The following KCNH8 variants were observed in gnomAD, a reference collection of about 807,000 sequenced individuals.
KCNH8 encodes voltage-gated delayed rectifier potassium channel KCNH8.
In KCNH8, 70 loss-of-function variants were observed where a neutral mutation model predicts 103.6. The observed-to-expected ratio is 0.68, with a 90% CI of 0.56 to 0.82. The LOEUF is 0.82. Among genes scored for constraint, KCNH8 ranks in the 40% least tolerant of loss-of-function variants. KCNH8 has a pLI of 0.00. For synonymous variants in KCNH8, 498 were observed against 489.4 expected (o/e 1.02, Z -0.23); for missense variants, 1,217 against 1,329.9 (o/e 0.92, Z 1.32).
chr3:19,474,168 T>C (rs940194415), intron 11 of KCNH8, among the ~76,000 whole-genome samples: 6 of 152,176 alleles, frequency 3.9e-5, no homozygotes, highest in Non-Finnish European at 5.9e-5. Context: ...TAAAACTGTC[T>C]ACATGAGCTA....
intron 11 of KCNH8, among the ~76,000 whole-genome samples, chr3:19,464,113 A>C (rs561237959): frequency 6.6e-6 from 1 of 152,226 alleles, no homozygotes; most frequent in East Asian, 1.9e-4. Flanking sequence ...GAAGAACAAA[A>C]TTTGAGGATT....
intron 11 of KCNH8, among the ~76,000 whole-genome samples, chr3:19,482,182 A>C (rs111316053): frequency 3.7e-4 from 57 of 152,322 alleles, no homozygotes; most frequent in African/African-American, 1.3e-3. Context: ...AGGGATTTCC[A>C]CAGTGCTTTT....
At chr3:19,436,690 G>C (rs6769840) in intron 7 of KCNH8, among the ~76,000 whole-genome samples, 3,091 of 152,278 alleles carry the variant, frequency 0.02, 92 homozygotes, top group African/African-American at 0.057. Context: ...TTGTTTGTCT[G>C]TGTGTTGCTC....
At chr3:19,429,323 G>A (rs558186271) in intron 7 of KCNH8, among the ~76,000 whole-genome samples, 42 of 152,054 alleles carry the variant, frequency 2.8e-4, no homozygotes, top group African/African-American at 9.6e-4. Context: ...ACAGGTGCCC[G>A]CCACTACATC....
chr3:19,512,692 C>A (rs530192246), intron 12 of KCNH8, among the ~76,000 whole-genome samples: 1 of 152,150 alleles, frequency 6.6e-6, no homozygotes, highest in African/African-American at 2.4e-5. Flanking sequence ...GCACCTTTCA[C>A]GTGGCTCCCC....
chr3:19,407,035 C>G (rs2066702463), intron 7 of KCNH8, among the ~76,000 whole-genome samples: 1 of 152,070 alleles, frequency 6.6e-6, no homozygotes, highest in Non-Finnish European at 1.5e-5. Context: ...TCCAAACATC[C>G]ATGAAATAAA....
At chr3:19,389,428 T>C (rs535103223) in intron 5 of KCNH8, among the ~76,000 whole-genome samples, 5 of 152,188 alleles carry the variant, frequency 3.3e-5, no homozygotes, top group African/African-American at 9.6e-5. Context: ...CAGGGAAAGA[T>C]TGAAAACAAT....
intron 1 of KCNH8, among the ~76,000 whole-genome samples, chr3:19,203,640 CAT>C (rs1367493918): frequency 6.6e-6 from 1 of 151,830 alleles, no homozygotes; most frequent in East Asian, 1.9e-4. Flanking sequence ...ATTGAAATAA[CAT>C]ATTTTCAAAA....
Position 19,534,015 on chromosome 3 carries a change from T to C in KCNH8, c.3240T>C (p.Ala1080=), listed in dbSNP as rs778606637. The change falls in exon 16 of 16, where the codon GCT becomes GCC. Residue 1080 remains alanine, a synonymous_variant. Coordinates refer to ENST00000328405, the MANE Select transcript of KCNH8 (RefSeq NM_144633.3). ...GGAACCAGGAAGGAATGGCATCAGCTTCTACAAAACCTTTGGAGAACCTTC... is the reference window on the plus strand; with the variant it reads ...GGAACCAGGAAGGAATGGCATCAGCCTCTACAAAACCTTTGGAGAACCTTC... The part of the protein sequence containing the change: ...GSWNQEGMAS[A]STKPLENLPL... 8.7e-6 allele frequency: 14 copies of C among 1,614,168 alleles called. No individual in the cohort carries two copies. In the South Asian group the frequency reaches 1.4e-4, roughly 16 times the overall value.
At chr3:19,510,528 A>T in intron 12 of KCNH8, 127 bp downstream of exon 12, 1 of 678,236 alleles carries the variant, frequency 1.5e-6, no homozygotes. Flanking sequence ...CTTCCCAATA[A>T]GAGATGTGGC....
chr3:19,534,552 A>C lies in KCNH8; in HGVS notation c.*453A>C, dbSNP rs905065534. 4 of 159,722 alleles carry C rather than the reference A, an allele frequency of 2.5e-5. No homozygotes were observed. Among genetic ancestry groups the C allele is most frequent in the African/African-American group, 7.2e-5 (3 of 41,550 alleles). The allele number at this position is 159,722 out of a possible 1,614,324, so 9.9% of individuals were successfully genotyped here. A position where few individuals can be genotyped will look rare whatever the true frequency, so the allele number is the denominator to read the frequency against. On this transcript the variant is annotated 3_prime_UTR_variant, in exon 16 of 16. Coordinates refer to ENST00000328405, the MANE Select transcript of KCNH8 (RefSeq NM_144633.3). ...ATGTATTTTTCTTTTTGTGAAGGCA[A>C]AGGGACAATTATCACTGCATGTCAT...
chr3:19,406,240 A>G (rs747259104), intron 7 of KCNH8, among the ~76,000 whole-genome samples: 1 of 152,094 alleles, frequency 6.6e-6, no homozygotes, highest in Non-Finnish European at 1.5e-5. Flanking sequence ...TGTATTCTGT[A>G]TAGTAATATG....
At chr3:19,424,124 T>A (rs1403558766) in intron 7 of KCNH8, among the ~76,000 whole-genome samples, 1 of 152,090 alleles carries the variant, frequency 6.6e-6, no homozygotes, top group Non-Finnish European at 1.5e-5. Flanking sequence ...AAAATTCATA[T>A]GGAACCAAAA....
chr3:19,174,357 C>T (rs1213247748), intron 1 of KCNH8, among the ~76,000 whole-genome samples: 1 of 152,014 alleles, frequency 6.6e-6, no homozygotes, highest in East Asian at 1.9e-4. Context: ...ATGGCAGTTT[C>T]CTCAAAAATA....
At chr3:19,254,488 A>T (rs2064322486) in intron 2 of KCNH8, among the ~76,000 whole-genome samples, 1 of 152,156 alleles carries the variant, frequency 6.6e-6, no homozygotes, top group Non-Finnish European at 1.5e-5. Context: ...CTCTGGGGAA[A>T]TACTAGGTCT....
chr3:19,456,067 A>G (rs2067527755), intron 10 of KCNH8, among the ~76,000 whole-genome samples: 1 of 152,122 alleles, frequency 6.6e-6, no homozygotes, highest in Non-Finnish European at 1.5e-5. Context: ...AATATTGACA[A>G]CAATAAATCA....
chr3:19,230,538 T>C (rs75113018), intron 1 of KCNH8, among the ~76,000 whole-genome samples: 5,890 of 152,306 alleles, frequency 0.039, 408 homozygotes, highest in African/African-American at 0.13. Flanking sequence ...AAGATAGTTT[T>C]AGATATTTGT....
intron 7 of KCNH8, among the ~76,000 whole-genome samples, chr3:19,418,888 T>C (rs2066901654): frequency 6.6e-6 from 1 of 152,234 alleles, no homozygotes; most frequent in African/African-American, 2.4e-5. Context: ...TCTTTATACT[T>C]GCACTAATGA....
intron 1 of KCNH8, among the ~76,000 whole-genome samples, chr3:19,163,284 TTATA>T (rs905378101): frequency 2.7e-5 from 4 of 149,560 alleles, no homozygotes; most frequent in Non-Finnish European, 5.9e-5. Flanking sequence ...ATATATAAAA[TTATA>T]TATATATATA....
Sources: allele counts gnomAD v4.1 joint callset (sites outside exome capture counted in the v4.1 genomes callset), GRCh38; gene constraint gnomAD v4.1.1; transcripts MANE v1.5; gene names NCBI Gene and HGNC (gene_info 2026-07-23, HGNC 2026-07-21).